The following FLI1 variants were observed in gnomAD, a reference collection of about 807,000 sequenced individuals.
The protein encoded by FLI1 is Friend leukemia integration 1 transcription factor.
Under a neutral mutation model 53.1 loss-of-function variants are expected in FLI1, and 13 were observed. That is an observed-to-expected ratio of 0.24 (90% CI 0.16 to 0.39). The LOEUF is 0.39. Ranked by LOEUF, FLI1 falls within the 10% of genes least tolerant of loss-of-function variation. The probability of loss-of-function intolerance (pLI) is 1.00; values close to 1 mark genes in which losing one functional copy is unlikely to be tolerated. For synonymous variants in FLI1, 244 were observed against 236.7 expected (o/e 1.03, Z -0.28); for missense variants, 424 against 600.5 (o/e 0.71, Z 3.07).
At chr11:128,774,618 CAGG>C (rs1262132304) in intron 4 of FLI1, among the ~76,000 whole-genome samples, 2 of 152,050 alleles carry the variant, frequency 1.3e-5, no homozygotes, top group Non-Finnish European at 2.9e-5. Context: ...CTTCATTTGC[CAGG>C]AGTAGAGAGG....
intron 6 of FLI1, 38 bp downstream of exon 6, chr11:128,805,469 G>A (rs1942756392): frequency 2.3e-6 from 3 of 1,283,250 alleles, no homozygotes; most frequent in Non-Finnish European, 3.3e-6. Context: ...AGGAAAGCAT[G>A]TTTCTGAGGA....
At chr11:128,788,297 C>T (rs1433819406) in intron 5 of FLI1, among the ~76,000 whole-genome samples, 4 of 151,868 alleles carry the variant, frequency 2.6e-5, no homozygotes, top group Non-Finnish European at 1.5e-5. Context: ...TGGTGAAACC[C>T]CGTCTCTACT....
chr11:128,791,162 A>G (rs957124868), intron 5 of FLI1, among the ~76,000 whole-genome samples: 1 of 152,118 alleles, frequency 6.6e-6, no homozygotes, highest in African/African-American at 2.4e-5. Flanking sequence ...AACTGTCTGG[A>G]TCCCCCTGGA....
intron 1 of FLI1, among the ~76,000 whole-genome samples, chr11:128,698,198 G>A (rs1488482532): frequency 6.6e-6 from 1 of 152,220 alleles, no homozygotes; most frequent in Non-Finnish European, 1.5e-5. Context: ...AGCAGAGTGA[G>A]GAATACTTGG....
At position 128,812,653 on chromosome 11, in the gene FLI1, G is replaced by A. The variant is rs1942962212; in HGVS notation, c.*1665G>A. On this transcript the variant is annotated 3_prime_UTR_variant, in exon 9 of 9. Coordinates refer to ENST00000527786, the MANE Select transcript of FLI1 (RefSeq NM_002017.5). Reference sequence around the variant, plus strand: ...AAGGGTTTTATAAAACAGCAGCTAAGGCCATGGATAAACCTGTATGTAAGG... The same window carrying A: ...AAGGGTTTTATAAAACAGCAGCTAAAGCCATGGATAAACCTGTATGTAAGG... 4.5e-6 allele frequency: 1 copy of A among 222,598 alleles called. No individual in the cohort carries two copies. Among genetic ancestry groups the A allele is most frequent in the African/African-American group, 2.2e-5 (1 of 44,916 alleles). The allele number at this position is 222,598 out of a possible 1,614,324, so 13.8% of individuals were successfully genotyped here.
At chr11:128,756,978 G>A (rs1591785370) in intron 1 of FLI1, among the ~76,000 whole-genome samples, 1 of 152,126 alleles carries the variant, frequency 6.6e-6, no homozygotes, top group East Asian at 1.9e-4. Flanking sequence ...TACTTCCGGG[G>A]CTCAAGTGAT....
Position 128,787,951 on chromosome 11 carries a change from T to C in FLI1, c.655+5928T>C, listed in dbSNP as rs531831569. Among the ~76,000 whole-genome samples, 36 of 151,696 alleles carry C rather than the reference T, an allele frequency of 2.4e-4. No homozygotes were observed. The East Asian group carries it at 6.1e-3, about 26-fold the overall frequency. On this transcript the variant is annotated intron_variant, in intron 5 of 8. Coordinates refer to ENST00000527786, the MANE Select transcript of FLI1 (RefSeq NM_002017.5). ...CCTCCTGAGTAGCTGGGACTACAGG[T>C]GCCCGCCACCACGCCCAGCTAATTT...
chr11:128,754,276 T>TGTGTGTGC, intron 1 of FLI1, among the ~76,000 whole-genome samples: 1 of 148,820 alleles, frequency 6.7e-6, no homozygotes, highest in African/African-American at 2.5e-5. Context: ...TGTGTGTGTG[T>TGTGTGTGC]GCACATATGC....
In FLI1 at chr11:128,784,268, C is replaced by CCTCCTCCTGCTG. The variant is rs1331908622; in HGVS notation, c.655+2247_655+2248insCCTCCTGCTGCT. On this transcript the variant is annotated intron_variant, in intron 5 of 8. Transcript: ENST00000527786. ...TCCTCCTCCTCCTCCTCCTCCTCCT[C>CCTCCTCCTGCTG]CTGCTGTCTTATTGTTCAGCCGTGT... is the stretch of plus-strand genomic sequence containing the variant. Among the ~76,000 whole-genome samples, 4 of 130,284 alleles carry CCTCCTCCTGCTG rather than the reference C, an allele frequency of 3.1e-5. No homozygotes were observed. The South Asian group carries it at 1.0e-3, about 33-fold the overall frequency. 85.5% of individuals were successfully genotyped at this position (130,284 alleles called of 152,430 possible).
chr11:128,731,310 G>A (rs655585), intron 1 of FLI1, among the ~76,000 whole-genome samples: 23,764 of 151,590 alleles, frequency 0.16, 2,235 homozygotes, highest in East Asian at 0.34. Context: ...ATGTGGGGGG[G>A]TTGGTGAGTT....
intron 5 of FLI1, among the ~76,000 whole-genome samples, chr11:128,799,043 A>T (rs28663273): frequency 0.31 from 39,163 of 127,600 alleles, 6,005 homozygotes; most frequent in Non-Finnish European, 0.34. Flanking sequence ...TATTATTATT[A>T]TTATTATTAT....
chr11:128,768,724 A>T (rs1002666327), intron 3 of FLI1, among the ~76,000 whole-genome samples: 5 of 146,774 alleles, frequency 3.4e-5, no homozygotes, highest in Non-Finnish European at 7.5e-5. Flanking sequence ...TGCACATTTT[A>T]CCTGACTTCC....
chr11:128,798,619 A>C (rs1004654562), intron 5 of FLI1, among the ~76,000 whole-genome samples: 12 of 152,130 alleles, frequency 7.9e-5, no homozygotes, highest in Admixed American at 3.3e-4. Flanking sequence ...AAGATCCTTG[A>C]GCAAAGGAAA....
intron 2 of FLI1, among the ~76,000 whole-genome samples, chr11:128,760,309 C>T (rs1287030706): frequency 2.0e-5 from 3 of 152,206 alleles, no homozygotes; most frequent in East Asian, 3.9e-4. Context: ...AGTTGGAGCC[C>T]GAACCCAGGC....
At chr11:128,802,178 G>GGTAT (rs1942653225) in intron 5 of FLI1, among the ~76,000 whole-genome samples, 1 of 152,082 alleles carries the variant, frequency 6.6e-6, no homozygotes, top group African/African-American at 2.4e-5. Flanking sequence ...ATACCCCTAG[G>GGTAT]GCAGAATGCA....
intron 5 of FLI1, among the ~76,000 whole-genome samples, chr11:128,793,795 G>T (rs772248685): frequency 1.3e-5 from 2 of 152,202 alleles, no homozygotes; most frequent in Non-Finnish European, 2.9e-5. Context: ...TTTAGTAAAG[G>T]ACGGTGACAT....
intron 5 of FLI1, among the ~76,000 whole-genome samples, chr11:128,790,442 C>G (rs566806051): frequency 6.6e-6 from 1 of 152,108 alleles, no homozygotes; most frequent in Non-Finnish European, 1.5e-5. Flanking sequence ...TTAGCCAGCC[C>G]GCCCTGTCCT....
chr11:128,733,268 C>T (rs993328643), intron 1 of FLI1, among the ~76,000 whole-genome samples: 5 of 152,004 alleles, frequency 3.3e-5, no homozygotes, highest in Admixed American at 6.6e-5. Flanking sequence ...GCTGATTCCT[C>T]GGCTCCAGCT....
At chr11:128,719,346 C>T (rs1220597376) in intron 1 of FLI1, among the ~76,000 whole-genome samples, 2 of 140,852 alleles carry the variant, frequency 1.4e-5, no homozygotes, top group Non-Finnish European at 3.0e-5. Flanking sequence ...TACTCTTTCT[C>T]CCCTTTTCCC....
Sources: gnomAD v4.1 joint callset for allele counts (sites outside exome capture counted in the v4.1 genomes callset) on GRCh38, gnomAD v4.1.1 for gene constraint, MANE v1.5 for transcripts, NCBI Gene and HGNC (gene_info 2026-07-23, HGNC 2026-07-21) for gene names.